The following PCDHGA6 variants were observed in gnomAD, a reference collection of about 807,000 sequenced individuals.
PCDHGA6 encodes the protein protocadherin gamma subfamily A, 6.
A neutral mutation model predicts 60.6 loss-of-function variants in PCDHGA6; 41 were observed. The observed-to-expected ratio is 0.68, with a 90% CI of 0.53 to 0.88. The LOEUF (loss-of-function observed/expected upper bound fraction) is 0.88, where lower values mean the gene tolerates loss of function less well. Ranked by LOEUF, PCDHGA6 falls within the 40% of genes least tolerant of loss-of-function variation. PCDHGA6 has a pLI of 0.00. For missense variants in PCDHGA6, 1,312 were observed against 1,203.0 expected, an observed-to-expected ratio of 1.09 and a Z score of -1.34; for synonymous variants, 594 against 524.4, an observed-to-expected ratio of 1.13 and a Z score of -1.81.
In PCDHGA6 at chr5:141,485,798, C is replaced by T. The variant is rs764109672; in HGVS notation, c.2425-9009C>T. The T allele has an allele frequency of 2.0e-5, 32 of 1,614,172 alleles. No individual in the cohort carries two copies. The highest frequency in any genetic ancestry group is 1.1e-4 in the East Asian group (5 of 44,876). ...GGATCGAGAGAAGCAATCGGACTAC[C>T]GCCTGGTGCTGACTGCTGTCGATGG... is the stretch of plus-strand genomic sequence containing the variant. On this transcript the variant is annotated intron_variant, in intron 1 of 3. Coordinates refer to ENST00000517434, the MANE Select transcript of PCDHGA6 (RefSeq NM_018919.3). The surrounding 1 kb of genome is among the most constrained non-coding windows in gnomAD (Gnocchi z 5.7).
chr5:141,434,277 A>G (rs760937958), intron 1 of PCDHGA6, among the ~76,000 whole-genome samples: 4 of 152,172 alleles, frequency 2.6e-5, no homozygotes, highest in Non-Finnish European at 4.4e-5. Flanking sequence ...AATTAGAGGT[A>G]TTCTCTGTTT....
chr5:141,488,548 T>C (rs112676623), intron 1 of PCDHGA6, among the ~76,000 whole-genome samples: 2 of 152,318 alleles, frequency 1.3e-5, no homozygotes, highest in African/African-American at 4.8e-5. Flanking sequence ...CCATGTCAGC[T>C]GACATTGAGA....
chr5:141,440,401 C>T (rs1023628115), intron 1 of PCDHGA6: 4 of 152,088 alleles, frequency 2.6e-5, no homozygotes, highest in African/African-American at 7.3e-5. Context: ...GAGAGGCAAT[C>T]GCACCACTGC....
chr5:141,486,017 A>C lies in PCDHGA6; in HGVS notation c.2425-8790A>C, dbSNP rs746747518. 1 of 1,614,176 alleles carries C rather than the reference A, an allele frequency of 6.2e-7. No homozygotes were observed. The highest frequency in any genetic ancestry group is 8.5e-7 in the Non-Finnish European group (1 of 1,180,038). ...CAGTGGTAACGTCACCTTTTATTTC[A>C]GTGGTCATACCCCTGATCGTGTAAG... On this transcript the variant is annotated intron_variant, in intron 1 of 3. Coordinates refer to ENST00000517434, the MANE Select transcript of PCDHGA6 (RefSeq NM_018919.3). This position sits in a 1 kb window ranked among gnomAD's most constrained non-coding sequence, Gnocchi z 5.0.
Position 141,410,521 on chromosome 5 carries a change from A to G in PCDHGA6, c.2424+34014A>G, listed in dbSNP as rs201505796. ...ATTTCCTAAAATGCAGTGTGCCCCT[A>G]CATTCCAATGAAGACATGGTTTGCA... is the stretch of plus-strand genomic sequence containing the variant. On this transcript the variant is annotated intron_variant, in intron 1 of 3. Coordinates refer to ENST00000517434, the MANE Select transcript of PCDHGA6 (RefSeq NM_018919.3). 1,940 of 1,613,966 alleles carry G rather than the reference A, an allele frequency of 1.2e-3. 3 individuals are homozygous for G. Among genetic ancestry groups the G allele is most frequent in the Non-Finnish European group, 1.5e-3 (1,760 of 1,179,896 alleles).
At chr5:141,401,485 G>A (rs2094160307) in intron 1 of PCDHGA6, among the ~76,000 whole-genome samples, 2 of 152,152 alleles carry the variant, frequency 1.3e-5, no homozygotes, top group Admixed American at 6.5e-5. Context: ...AGGTTTTCTT[G>A]GATGCAAAAT....
Position 141,383,585 on chromosome 5 carries a change from A to G in PCDHGA6, c.2424+7078A>G, listed in dbSNP as rs1779292169. The stretch of plus-strand genomic sequence containing the variant: ...CCCCGATCCAGCACCGCCCACATCC[A>G]GGTGACAGTGGTGGATGTGAATGAC... On this transcript the variant is annotated intron_variant, in intron 1 of 3. Coordinates refer to ENST00000517434, the MANE Select transcript of PCDHGA6 (RefSeq NM_018919.3). The G allele has an allele frequency of 4.3e-6, 7 of 1,613,646 alleles. No individual in the cohort carries two copies. Among genetic ancestry groups the G allele is most frequent in the Non-Finnish European group, 5.9e-6 (7 of 1,179,852 alleles).
chr5:141,479,453 A>G (rs994349416), intron 1 of PCDHGA6: 1 of 152,266 alleles, frequency 6.6e-6, no homozygotes, highest in Non-Finnish European at 1.5e-5. Context: ...TAAGTTCAGC[A>G]TGAATACAGT....
At chr5:141,414,790 A>G (rs1190584746) in intron 1 of PCDHGA6, 1 of 1,614,226 alleles carries the variant, frequency 6.2e-7, no homozygotes, top group South Asian at 1.1e-5. Context: ...GGTGACAGCC[A>G]GCGACAGCGG....
intron 1 of PCDHGA6, among the ~76,000 whole-genome samples, chr5:141,454,796 A>ATTTTTTTTTTT (rs61612330): frequency 0.014 from 1,093 of 77,476 alleles, 165 homozygotes; most frequent in African/African-American, 0.018. Flanking sequence ...CATGGTTCTA[A>ATTTTTTTTTTT]TTTTTTTTTT....
intron 1 of PCDHGA6, among the ~76,000 whole-genome samples, chr5:141,465,041 C>T (rs2099095802): frequency 6.6e-6 from 1 of 151,856 alleles, no homozygotes; most frequent in Non-Finnish European, 1.5e-5. Flanking sequence ...CACAAATGAC[C>T]CTATATATTT....
chr5:141,409,938 C>T (rs754052398), intron 1 of PCDHGA6: 114 of 1,613,200 alleles, frequency 7.1e-5, no homozygotes, highest in Admixed American at 4.3e-4. Flanking sequence ...GATATGGTAC[C>T]TCGCTCTGCA....
chr5:141,386,894 A>G (rs1266264149), intron 1 of PCDHGA6, among the ~76,000 whole-genome samples: 1 of 152,228 alleles, frequency 6.6e-6, no homozygotes, highest in Non-Finnish European at 1.5e-5. Context: ...TGTTTCCTTC[A>G]ATTCAGAGGT....
At position 141,505,417 on chromosome 5, in the gene PCDHGA6, C is replaced by T; in HGVS notation, c.2508C>T (p.Gly836=). The change falls in exon 3 of 4, where the codon GGC becomes GGT. Residue 836 remains glycine, a synonymous_variant. Coordinates refer to ENST00000517434, the MANE Select transcript of PCDHGA6 (RefSeq NM_018919.3). ...TSGSQNGDDT[G]TWPNNQFDTE... is the part of the protein sequence containing the mutation. ...GCTCCCAAAATGGCGATGACACCGG[C>T]ACCTGGCCCAACAACCAGTTTGACA... 1 of 1,614,212 alleles carries T rather than the reference C, an allele frequency of 6.2e-7. No individual in the cohort carries two copies. Among genetic ancestry groups the T allele is most frequent in the Non-Finnish European group, 8.5e-7 (1 of 1,180,024 alleles).
chr5:141,455,104 G>T (rs2098813087), intron 1 of PCDHGA6, among the ~76,000 whole-genome samples: 1 of 151,780 alleles, frequency 6.6e-6, no homozygotes, highest in Non-Finnish European at 1.5e-5. Flanking sequence ...GAGCCACTGC[G>T]CCCGGTGGGT....
At chr5:141,494,326 G>C (rs2154591458) in intron 1 of PCDHGA6, among the ~76,000 whole-genome samples, 1 of 152,312 alleles carries the variant, frequency 6.6e-6, no homozygotes, top group Middle Eastern at 3.4e-3. Context: ...GGCACCAAAA[G>C]GGTTACCAAG....
intron 1 of PCDHGA6, chr5:141,415,314 C>G (rs375384840): frequency 1.9e-6 from 3 of 1,614,238 alleles, no homozygotes; most frequent in South Asian, 1.1e-5. Context: ...CCTTCGTCAT[C>G]GTGCTGCTGG....
chr5:141,477,571 C>T lies in PCDHGA6; in HGVS notation c.2425-17236C>T, dbSNP rs1470454976. The T allele has an allele frequency of 8.1e-6, 13 of 1,614,160 alleles. No individual in the cohort carries two copies. Among genetic ancestry groups the T allele is most frequent in the Middle Eastern group, 1.7e-4 (1 of 6,060 alleles). ...TAAACCTAAGTGTCTGGGACCCCGACGCCCCGCAGAATGCTCGGCTTTCTT... is the reference window on the plus strand; with the variant it reads ...TAAACCTAAGTGTCTGGGACCCCGATGCCCCGCAGAATGCTCGGCTTTCTT... On this transcript the variant is annotated intron_variant, in intron 1 of 3. Transcript: ENST00000517434. This position sits in a 1 kb window ranked among gnomAD's most constrained non-coding sequence, Gnocchi z 4.9.
intron 1 of PCDHGA6, chr5:141,384,147 T>A: frequency 6.2e-7 from 1 of 1,613,270 alleles, no homozygotes; most frequent in Non-Finnish European, 8.5e-7. Flanking sequence ...AAACACTCTC[T>A]TTGTATAACA....
Sources: gnomAD v4.1 joint callset for allele counts (sites outside exome capture counted in the v4.1 genomes callset) on GRCh38, gnomAD v4.1.1 for gene constraint, Gnocchi (gnomAD v3.1) non-coding constraint, MANE v1.5 for transcripts, NCBI Gene and HGNC (gene_info 2026-07-23, HGNC 2026-07-21) for gene names.